TRAPPC9: variants seen among roughly 807,000 people sequenced by gnomAD.
TRAPPC9 encodes trafficking protein particle complex subunit 9, also known as IKK2 binding protein.
In TRAPPC9, 83 loss-of-function variants were observed where a neutral mutation model predicts 124.0. The observed-to-expected ratio is 0.67, with a 90% CI of 0.56 to 0.80. The LOEUF (loss-of-function observed/expected upper bound fraction) is 0.80, where lower values mean the gene tolerates loss of function less well. TRAPPC9 is among the 30% of genes least tolerant of loss of function. TRAPPC9 has a pLI of 0.00. For missense variants in TRAPPC9, 1,302 were observed against 1,508.3 expected (o/e 0.86, Z 2.27); for synonymous variants, 638 against 617.5 (o/e 1.03, Z -0.49).
At chr8:140,051,964 G>C (rs1264674637) in intron 17 of TRAPPC9, among the ~76,000 whole-genome samples, 1 of 152,144 alleles carries the variant, frequency 6.6e-6, no homozygotes, top group African/African-American at 2.4e-5. Context: ...TGAAAGGGAA[G>C]AGGAAGACTG....
intron 17 of TRAPPC9, among the ~76,000 whole-genome samples, chr8:140,147,162 C>T (rs758628949): frequency 2.3e-4 from 35 of 152,338 alleles, no homozygotes; most frequent in Non-Finnish European, 3.4e-4. Flanking sequence ...GTTGTTCCTG[C>T]CTTTTCCTGG....
intron 21 of TRAPPC9, among the ~76,000 whole-genome samples, chr8:139,883,218 C>T (rs1587088245): frequency 1.3e-5 from 2 of 152,234 alleles, no homozygotes; most frequent in Admixed American, 1.3e-4. Context: ...CATGTGATGC[C>T]CAGCACCACC....
intron 16 of TRAPPC9, among the ~76,000 whole-genome samples, chr8:140,224,565 C>G (rs573325160): frequency 6.6e-6 from 1 of 152,136 alleles, no homozygotes; most frequent in East Asian, 1.9e-4. Context: ...AAGGGTAGAC[C>G]GTAAATAAAG....
intron 17 of TRAPPC9, among the ~76,000 whole-genome samples, chr8:140,199,313 G>T (rs1359980207): frequency 2.0e-5 from 3 of 152,156 alleles, no homozygotes; most frequent in Non-Finnish European, 4.4e-5. Context: ...TAGCAAGAGT[G>T]TGGACTATCC....
rs186595786 is a variant in TRAPPC9 at position 140,010,920 on chromosome 8, C to T, written c.2699+13017G>A. On this transcript the variant is annotated intron_variant, in intron 18 of 22. Coordinates refer to ENST00000438773, the MANE Select transcript of TRAPPC9 (RefSeq NM_001160372.4). Reference sequence around the variant, plus strand: ...ATTTAACACATTATGGGGTATCTATCGGACAGAAGGGCACATGATCTGTAA... The same window carrying T: ...ATTTAACACATTATGGGGTATCTATTGGACAGAAGGGCACATGATCTGTAA... 3.5e-4 allele frequency among the ~76,000 whole-genome samples: 54 copies of T among 152,228 alleles called. 1 individual carries two copies. The highest frequency in any genetic ancestry group is 1.3e-3 in the African/African-American group (53 of 41,520).
At chr8:139,895,674 T>C (rs573421285) in intron 20 of TRAPPC9, among the ~76,000 whole-genome samples, 17 of 152,324 alleles carry the variant, frequency 1.1e-4, no homozygotes, top group African/African-American at 3.8e-4. Flanking sequence ...CAGCTGCACT[T>C]GAGTGTGGGC....
intron 17 of TRAPPC9, among the ~76,000 whole-genome samples, chr8:140,147,965 T>A (rs554667399): frequency 6.6e-6 from 1 of 152,296 alleles, no homozygotes; most frequent in South Asian, 2.1e-4. Context: ...AAGGCAGCCA[T>A]GCACTTATTC....
intron 9 of TRAPPC9, among the ~76,000 whole-genome samples, chr8:140,344,125 T>A (rs538172710): frequency 6.6e-6 from 1 of 152,268 alleles, no homozygotes; most frequent in East Asian, 1.9e-4. Flanking sequence ...AGAGTTCTCA[T>A]GATAGGAGGA....
At chr8:139,806,364 G>C (rs1824059146) in intron 21 of TRAPPC9, 1 of 152,334 alleles carries the variant, frequency 6.6e-6, no homozygotes, top group African/African-American at 2.4e-5. Flanking sequence ...TGGCTGTGGG[G>C]AGAGCTTCCC....
At chr8:140,061,279 C>T (rs1427512876) in intron 17 of TRAPPC9, among the ~76,000 whole-genome samples, 2 of 117,102 alleles carry the variant, frequency 1.7e-5, no homozygotes, top group Non-Finnish European at 4.3e-5. Context: ...GGGAAGACTG[C>T]CATTCCCAAG....
chr8:140,133,357 C>T (rs948076614), intron 17 of TRAPPC9, among the ~76,000 whole-genome samples: 1 of 152,162 alleles, frequency 6.6e-6, no homozygotes, highest in Non-Finnish European at 1.5e-5. Flanking sequence ...ATTCAACATC[C>T]TTTCACGATA....
intron 15 of TRAPPC9, among the ~76,000 whole-genome samples, chr8:140,267,547 C>T (rs2064723215): frequency 6.6e-6 from 1 of 152,168 alleles, no homozygotes; most frequent in Non-Finnish European, 1.5e-5. Flanking sequence ...CACCGCCCAC[C>T]CAAAAAGACC....
At chr8:140,322,001 G>A (rs1050375881) in intron 9 of TRAPPC9, among the ~76,000 whole-genome samples, 2 of 152,166 alleles carry the variant, frequency 1.3e-5, no homozygotes, top group Non-Finnish European at 2.9e-5. Context: ...CCAAAGGTTA[G>A]GGCCAAGCAG....
At chr8:139,759,861 G>C (rs919472032) in intron 21 of TRAPPC9, among the ~76,000 whole-genome samples, 2 of 152,162 alleles carry the variant, frequency 1.3e-5, no homozygotes, top group African/African-American at 4.8e-5. Flanking sequence ...GGGCAGCGCA[G>C]CCTGCCGGCA....
intron 9 of TRAPPC9, among the ~76,000 whole-genome samples, chr8:140,335,426 GGGGA>G: frequency 6.6e-6 from 1 of 152,106 alleles, no homozygotes; most frequent in Admixed American, 6.5e-5. Context: ...ATGACAACTT[GGGGA>G]TGACTGACAA....
intron 21 of TRAPPC9, among the ~76,000 whole-genome samples, chr8:139,822,391 A>G (rs1825310641): frequency 1.3e-5 from 2 of 152,198 alleles, no homozygotes. Context: ...CCAGGTGCTC[A>G]TGTGCTCCGA....
At chr8:139,978,313 A>G (rs546624647) in intron 19 of TRAPPC9, among the ~76,000 whole-genome samples, 1 of 152,390 alleles carries the variant, frequency 6.6e-6, no homozygotes, top group African/African-American at 2.4e-5. Context: ...ATTGAGACAT[A>G]GCCATTTCTT....
At chr8:139,809,551 C>G (rs930514235) in intron 21 of TRAPPC9, among the ~76,000 whole-genome samples, 1 of 152,220 alleles carries the variant, frequency 6.6e-6, no homozygotes, top group Non-Finnish European at 1.5e-5. Flanking sequence ...CTCTGTCCCA[C>G]AGCAGGGCCT....
intron 21 of TRAPPC9, among the ~76,000 whole-genome samples, chr8:139,863,194 C>T (rs1027919404): frequency 2.6e-5 from 4 of 152,374 alleles, no homozygotes; most frequent in East Asian, 1.9e-4. Flanking sequence ...TCTCAGCTCT[C>T]GCTCAGGTGG....
Sources: gnomAD v4.1 joint callset for allele counts (sites outside exome capture counted in the v4.1 genomes callset) on GRCh38, gnomAD v4.1.1 for gene constraint, MANE v1.5 for transcripts, NCBI Gene and HGNC (gene_info 2026-07-23, HGNC 2026-07-21) for gene names.